CRIP2: variants seen among roughly 807,000 people sequenced by gnomAD.
CRIP2 encodes the protein cysteine-rich protein 2.
In CRIP2, 31 loss-of-function variants were observed where a neutral mutation model predicts 31.3. The observed-to-expected ratio is 0.99, with a 90% CI of 0.74 to 1.34. The LOEUF (loss-of-function observed/expected upper bound fraction) is 1.34, where lower values mean the gene tolerates loss of function less well. Ranked by LOEUF, CRIP2 falls within the 40% of genes most tolerant of loss-of-function variation. The probability of loss-of-function intolerance (pLI) is 0.00; values close to 1 mark genes in which losing one functional copy is unlikely to be tolerated. For missense variants in CRIP2, 389 were observed against 301.6 expected, an observed-to-expected ratio of 1.29 and a Z score of -2.15; for synonymous variants, 177 against 127.2, an observed-to-expected ratio of 1.39 and a Z score of -2.63.
upstream of CRIP2, chr14:105,473,447 G>T: frequency 6.5e-7 from 1 of 1,535,758 alleles, no homozygotes; most frequent in South Asian, 1.2e-5. Flanking sequence ...CACCATGAAA[G>T]CCAGGAGCAC....
chr14:105,479,316 T>A, intron 6 of CRIP2, 97 bp downstream of exon 6: 2 of 1,525,940 alleles, frequency 1.3e-6, no homozygotes, highest in Middle Eastern at 1.8e-4. Flanking sequence ...GGGGTGGTGC[T>A]TCTGGGAGCT....
Position 105,478,036 on chromosome 14 carries a change from T to C in CRIP2, c.44-230T>C, listed in dbSNP as rs1422629017. On this transcript the variant is annotated intron_variant, in intron 1 of 7. Coordinates refer to ENST00000329146, the MANE Select transcript of CRIP2 (RefSeq NM_001312.4). This position sits in a 1 kb window ranked among gnomAD's most constrained non-coding sequence, Gnocchi z 4.9. The stretch of plus-strand genomic sequence containing the variant: ...CTTCTCAAAGGCGGCTCTAGCGGGG[T>C]TCCAGGGCTGGGGGCGCTGAGACCC... Among the ~76,000 whole-genome samples, 2 of 150,696 alleles carry C rather than the reference T, an allele frequency of 1.3e-5. No individual in the cohort carries two copies. Among genetic ancestry groups the C allele is most frequent in the African/African-American group, 4.9e-5 (2 of 40,922 alleles).
At chr14:105,474,723 C>CG, upstream of CRIP2, 2 of 1,004,682 alleles carry the variant, frequency 2.0e-6, no homozygotes, top group Non-Finnish European at 2.4e-6. This position sits in a 1 kb window ranked among gnomAD's most constrained non-coding sequence, Gnocchi z 5.1. Flanking sequence ...GCCCCCAGCC[C>CG]GGGGGACGGG....
At chr14:105,479,345 C>G in intron 6 of CRIP2, 91 bp from the exon 7 acceptor site, 4 of 1,571,748 alleles carry the variant, frequency 2.5e-6, no homozygotes, top group Non-Finnish European at 3.5e-6. Flanking sequence ...CTCTCCCCCA[C>G]GGCGAGCCGG....
At position 105,479,638 on chromosome 14, in the gene CRIP2, C is replaced by T; in HGVS notation, c.612C>T (p.Gly204=). 2 of 1,612,538 alleles carry T rather than the reference C, an allele frequency of 1.2e-6. No homozygotes were observed. Among genetic ancestry groups the T allele is most frequent in the Non-Finnish European group, 1.7e-6 (2 of 1,179,874 alleles). Residue 204 remains glycine, a synonymous_variant, in exon 8 of 8, where the codon GGC becomes GGT. Coordinates refer to ENST00000329146, the MANE Select transcript of CRIP2 (RefSeq NM_001312.4). ...GSYIYDRDPE[G]KVQP ...ACATCTATGACCGGGACCCCGAAGGCAAGGTCCAGCCCTAGGCTACAGCGG... is the reference window on the plus strand; with the variant it reads ...ACATCTATGACCGGGACCCCGAAGGTAAGGTCCAGCCCTAGGCTACAGCGG...
chr14:105,473,499 G>C (rs1555435178), upstream of CRIP2: 1 of 1,535,516 alleles, frequency 6.5e-7, no homozygotes, highest in South Asian at 1.2e-5. Context: ...TGGTGCACCA[G>C]GCAGAGGGAA....
chr14:105,479,063 G>GGCCCCGGACCCCCGCCCCCGC lies in CRIP2; in HGVS notation c.406+17_406+37dup. The GGCCCCGGACCCCCGCCCCCGC allele has an allele frequency of 1.3e-6, 2 of 1,565,906 alleles. No individual in the cohort carries two copies. Among genetic ancestry groups the GGCCCCGGACCCCCGCCCCCGC allele is most frequent in the South Asian group, 1.2e-5 (1 of 85,550 alleles). On this transcript the variant is annotated intron_variant, in intron 5 of 7. Transcript: ENST00000329146. Reference sequence around the variant, plus strand: ...GTGTACTTCGGTGAGTGCGCGCCCGGGCCCCGGACCCCCGCCCCCGCCCCC... The same window carrying GGCCCCGGACCCCCGCCCCCGC: ...GTGTACTTCGGTGAGTGCGCGCCCGGGCCCCGGACCCCCGCCCCCGCGCCCCGGACCCCCGCCCCCGCCCCC...
chr14:105,472,973 T>C, upstream of CRIP2: 4 of 570,138 alleles, frequency 7.0e-6, no homozygotes, highest in Non-Finnish European at 1.3e-5. Flanking sequence ...GCTGGGGACC[T>C]TGGGGCAGGT....
At chr14:105,479,264 G>C in intron 6 of CRIP2, 45 bp downstream of exon 6, 1 of 1,555,714 alleles carries the variant, frequency 6.4e-7, no homozygotes, top group East Asian at 2.3e-5. Context: ...AGGGGCGCGG[G>C]GTCGGGGGGA....
chr14:105,474,998 C>T lies in CRIP2; in HGVS notation c.43+93C>T, dbSNP rs1321811844. The T allele has an allele frequency of 6.2e-6, 8 of 1,280,592 alleles. No homozygotes were observed. The highest frequency in any genetic ancestry group is 4.1e-5 in the Admixed American group (1 of 24,186). The allele number at this position is 1,280,592 out of a possible 1,614,324, so 79.3% of individuals were successfully genotyped here. On this transcript the variant is annotated intron_variant, in intron 1 of 7. Coordinates refer to ENST00000329146, the MANE Select transcript of CRIP2 (RefSeq NM_001312.4). The surrounding 1 kb of genome is among the most constrained non-coding windows in gnomAD (Gnocchi z 5.1). Reference sequence around the variant, plus strand: ...CAGAGCCGCGGCGTAACTCGGGGTGCGCCCGGCCCCGGCCCCGGACCGAGG... The same window carrying T: ...CAGAGCCGCGGCGTAACTCGGGGTGTGCCCGGCCCCGGCCCCGGACCGAGG...
chr14:105,476,323 C>G (rs78427968), intron 1 of CRIP2: 9 of 985,532 alleles, frequency 9.1e-6, no homozygotes, highest in Non-Finnish European at 1.1e-5. Flanking sequence ...GCTTCAGACC[C>G]GGCTGGCTTC....
chr14:105,477,071 G>A, intron 1 of CRIP2: 1 of 194,324 alleles, frequency 5.1e-6, no homozygotes, highest in Non-Finnish European at 9.4e-6. Context: ...CACCTGAGGG[G>A]CTTGGCCAGA....
chr14:105,474,075 C>T (rs2083884375), upstream of CRIP2: 1 of 157,156 alleles, frequency 6.4e-6, no homozygotes, highest in African/African-American at 2.4e-5. This position sits in a 1 kb window ranked among gnomAD's most constrained non-coding sequence, Gnocchi z 5.1. Context: ...GCCGCCCCTT[C>T]CCTGCCTGGG....
chr14:105,477,488 G>C (rs914854302), intron 1 of CRIP2: 9 of 984,782 alleles, frequency 9.1e-6, no homozygotes, highest in Non-Finnish European at 9.6e-6. Flanking sequence ...ACTCAGCAGC[G>C]GGGTGCTGCC....
At chr14:105,477,544 C>T (rs1176887861) in intron 1 of CRIP2, 5 of 983,240 alleles carry the variant, frequency 5.1e-6, no homozygotes, top group Middle Eastern at 5.1e-4. Context: ...CGTGTCAGTG[C>T]GAGGCAGGTG....
At chr14:105,476,802 C>T (rs1364782580) in intron 1 of CRIP2, 6 of 979,686 alleles carry the variant, frequency 6.1e-6, no homozygotes, top group Non-Finnish European at 4.8e-6. Flanking sequence ...GCTGGTGCAG[C>T]CTTGTGGTTG....
chr14:105,473,086 C>A, upstream of CRIP2: 1 of 847,856 alleles, frequency 1.2e-6, no homozygotes, highest in Non-Finnish European at 1.8e-6. Flanking sequence ...AGGGTAATGG[C>A]TTAGCCCCAG....
At chr14:105,479,318 C>G (rs2084035026) in intron 6 of CRIP2, 99 bp downstream of exon 6, 3 of 1,502,786 alleles carry the variant, frequency 2.0e-6, no homozygotes, top group African/African-American at 4.2e-5. Flanking sequence ...GGTGGTGCTT[C>G]TGGGAGCTGC....
At chr14:105,477,780 G>A (rs1336462111) in intron 1 of CRIP2, among the ~76,000 whole-genome samples, 1 of 104,752 alleles carries the variant, frequency 9.5e-6, no homozygotes, top group African/African-American at 3.9e-5. Context: ...GTGAGAGGAA[G>A]GTGTGTGGGA....
Sources: allele counts gnomAD v4.1 joint callset (sites outside exome capture counted in the v4.1 genomes callset), GRCh38; gene constraint gnomAD v4.1.1; non-coding constraint Gnocchi (gnomAD v3.1); transcripts MANE v1.5; gene names NCBI Gene and HGNC (gene_info 2026-07-23, HGNC 2026-07-21).